Variants in PKD1L1 observed in about 807,000 individuals in gnomAD.
PKD1L1 encodes the protein polycystin-1-like protein 1.
Under a neutral mutation model 323.4 loss-of-function variants are expected in PKD1L1, and 236 were observed. That is an observed-to-expected ratio of 0.73 (90% CI 0.66 to 0.81). The LOEUF is 0.81. Ranked by LOEUF, PKD1L1 falls within the 40% of genes least tolerant of loss-of-function variation. PKD1L1 has a pLI of 0.00. For missense variants in PKD1L1, 3,320 were observed against 3,508.0 expected, an observed-to-expected ratio of 0.95 and a Z score of 1.35; for synonymous variants, 1,344 against 1,335.0, an observed-to-expected ratio of 1.01 and a Z score of -0.15.
At chr7:47,957,857 A>AT in the PKD1L1 span, among the ~76,000 whole-genome samples, 399 of 118,234 alleles carry the variant, frequency 3.4e-3, 1 homozygote, top group Middle Eastern at 0.016. Flanking sequence ...ATACAATTAA[A>AT]AAAAAATATA....
intron 7 of PKD1L1, among the ~76,000 whole-genome samples, chr7:47,926,306 T>C (rs1787655879): frequency 6.6e-6 from 1 of 152,246 alleles, no homozygotes; most frequent in Non-Finnish European, 1.5e-5. Flanking sequence ...CTTAACTCTT[T>C]CAACCAATTG....
At chr7:47,796,728 C>T (rs980569330) in intron 54 of PKD1L1, among the ~76,000 whole-genome samples, 3 of 151,892 alleles carry the variant, frequency 2.0e-5, no homozygotes, top group Non-Finnish European at 4.4e-5. Flanking sequence ...TGGCTCATGC[C>T]TGTAATCCCA....
At chr7:47,825,024 T>C (rs977232441) in intron 45 of PKD1L1, among the ~76,000 whole-genome samples, 1 of 152,206 alleles carries the variant, frequency 6.6e-6, no homozygotes, top group African/African-American at 2.4e-5. Flanking sequence ...ATTTCCCCCA[T>C]AGTGGCTGTA....
intron 9 of PKD1L1, among the ~76,000 whole-genome samples, chr7:47,906,564 G>A (rs1030475803): frequency 6.6e-6 from 1 of 151,924 alleles, no homozygotes; most frequent in East Asian, 1.9e-4. Flanking sequence ...TACATATGGA[G>A]GTGGATACCA....
intron 3 of PKD1L1, among the ~76,000 whole-genome samples, chr7:47,937,975 T>C (rs1426262549): frequency 2.0e-5 from 3 of 152,082 alleles, no homozygotes; most frequent in Non-Finnish European, 2.9e-5. Flanking sequence ...GGGACACTTT[T>C]GGCCTACGGG....
chr7:47,841,852 G>A lies in PKD1L1; in HGVS notation c.5445+1110C>T, dbSNP rs529724288. ...TAAATAGTTATTGCTGTTTTATAGA[G>A]ATTATTTTGATGATTTTTTCTTAAT... On this transcript the variant is annotated intron_variant, in intron 34 of 56. Transcript: ENST00000289672. 2.0e-5 allele frequency among the ~76,000 whole-genome samples: 3 copies of A among 152,226 alleles called. No individual in the cohort carries two copies. In the South Asian group the frequency reaches 6.2e-4, roughly 32 times the overall value.
intron 7 of PKD1L1, among the ~76,000 whole-genome samples, chr7:47,924,800 T>A (rs184140861): frequency 6.6e-6 from 1 of 152,310 alleles, no homozygotes; most frequent in Admixed American, 6.5e-5. Flanking sequence ...CTCTTATTAC[T>A]TATAATTCTA....
chr7:47,872,597 C>A (rs2128744941), intron 24 of PKD1L1, among the ~76,000 whole-genome samples: 1 of 152,308 alleles, frequency 6.6e-6, no homozygotes, highest in Middle Eastern at 3.4e-3. Context: ...AGATGCTCAA[C>A]CTCATCAATT....
At chr7:47,864,731 G>A (rs985295813) in intron 26 of PKD1L1, among the ~76,000 whole-genome samples, 14 of 107,580 alleles carry the variant, frequency 1.3e-4, no homozygotes, top group East Asian at 3.1e-4. Flanking sequence ...CTTTCCTTTC[G>A]TTTTTTTGAT....
chr7:47,905,274 G>C lies in PKD1L1; in HGVS notation c.1574C>G (p.Thr525Arg). The C allele has an allele frequency of 6.2e-7, 1 of 1,614,146 alleles. No homozygotes were observed. Among genetic ancestry groups the C allele is most frequent in the Non-Finnish European group, 8.5e-7 (1 of 1,180,032 alleles). Reference sequence around the variant, plus strand: ...TGTTTCCTTGGTAACAGCTGTAAATGTAATGTCTGTGTCTGTGGCAAACAC... The same window carrying C: ...TGTTTCCTTGGTAACAGCTGTAAATCTAATGTCTGTGTCTGTGGCAAACAC... The part of the protein sequence containing the change: ...GTVFATDTDI[T>R]FTAVTKETIP... Residue 525 changes from threonine (T) to arginine (R), a missense_variant, in exon 11 of 57, where the codon ACA (threonine) becomes AGA (arginine). Coordinates refer to ENST00000289672, the MANE Select transcript of PKD1L1 (RefSeq NM_138295.5).
intron 13 of PKD1L1, among the ~76,000 whole-genome samples, chr7:47,899,927 T>G (rs187098585): frequency 0.016 from 2,028 of 130,272 alleles, 49 homozygotes; most frequent in African/African-American, 0.055. Flanking sequence ...CTGCACTCCC[T>G]CCTAGGCAAC....
chr7:47,836,683 C>T (rs557371519), intron 37 of PKD1L1, among the ~76,000 whole-genome samples: 24 of 152,366 alleles, frequency 1.6e-4, no homozygotes, highest in African/African-American at 5.5e-4. Flanking sequence ...GGCCTGGGCA[C>T]GAGCTCCCAC....
intron 56 of PKD1L1, among the ~76,000 whole-genome samples, chr7:47,790,918 G>T (rs1786930546): frequency 6.6e-6 from 1 of 151,530 alleles, no homozygotes; most frequent in South Asian, 2.1e-4. Context: ...TTTTTCTTTG[G>T]AGAGATAGGG....
chr7:47,913,746 A>G (rs971436851), intron 8 of PKD1L1, among the ~76,000 whole-genome samples: 2 of 152,262 alleles, frequency 1.3e-5, no homozygotes, highest in African/African-American at 4.8e-5. Context: ...CTGTGAGCCA[A>G]TTAAATCTCT....
the PKD1L1 span, among the ~76,000 whole-genome samples, chr7:47,959,640 G>A: frequency 4.1e-5 from 5 of 121,028 alleles, 1 homozygote; most frequent in Admixed American, 8.3e-5. Flanking sequence ...CACCCCATCC[G>A]GGAGGGAGGT....
Position 47,904,470 on chromosome 7 carries a change from C to T in PKD1L1, c.1839G>A (p.Trp613Ter). ...AGGCAACATCTGTGCCGAAGTTGAT[C>T]CAGCACTCAAAGGCCACACTGGCAT... ...LVNASVAFEC[W>*]INFGTDVAYL... Residue 613 changes from tryptophan (W) to a stop codon, truncating the protein, a stop_gained, in exon 12 of 57, where the codon TGG becomes TGA. Transcript: ENST00000289672. LOFTEE classifies it high-confidence loss of function. 6.2e-7 allele frequency: 1 copy of T among 1,614,188 alleles called. No individual in the cohort carries two copies.
At chr7:47,943,163 A>AAAATATAT (rs1554417311) in intron 2 of PKD1L1, among the ~76,000 whole-genome samples, 8 of 34,144 alleles carry the variant, frequency 2.3e-4, no homozygotes, top group Non-Finnish European at 4.0e-4. Context: ...AAAAAAAAAA[A>AAAATATAT]ATATATATAT....
At position 47,840,125 on chromosome 7, in the gene PKD1L1, T is replaced by A. The variant is rs952929663; in HGVS notation, c.5552+336A>T. Among the ~76,000 whole-genome samples, 1 of 152,164 alleles carries A rather than the reference T, an allele frequency of 6.6e-6. No individual in the cohort carries two copies. The highest frequency in any genetic ancestry group is 2.4e-5 in the African/African-American group (1 of 41,428). ...ATTCACTCTTTCTCCAACCCCACCATCTTTGTGACACCATGTGTCACAAAC... is the reference window on the plus strand; with the variant it reads ...ATTCACTCTTTCTCCAACCCCACCAACTTTGTGACACCATGTGTCACAAAC... On this transcript the variant is annotated intron_variant, in intron 35 of 56. Transcript: ENST00000289672. The surrounding 1 kb of genome is among the most constrained non-coding windows in gnomAD (Gnocchi z 4.1).
chr7:47,906,495 C>A (rs185710775), intron 9 of PKD1L1, among the ~76,000 whole-genome samples: 1 of 151,986 alleles, frequency 6.6e-6, no homozygotes, highest in Admixed American at 6.6e-5. Context: ...CACATGTACA[C>A]ACATATCACA....
Sources: gnomAD v4.1 joint callset for allele counts (sites outside exome capture counted in the v4.1 genomes callset) on GRCh38, gnomAD v4.1.1 for gene constraint, Gnocchi (gnomAD v3.1) non-coding constraint, MANE v1.5 for transcripts, NCBI Gene and HGNC (gene_info 2026-07-23, HGNC 2026-07-21) for gene names.